INPP4B: variants seen among roughly 807,000 people sequenced by gnomAD.
INPP4B encodes inositol polyphosphate-4-phosphatase type II B.
INPP4B carries 55 observed loss-of-function variants against 122.5 expected under a neutral mutation model. The observed-to-expected ratio is 0.45, with a 90% confidence interval of 0.36 to 0.56. INPP4B has a LOEUF of 0.56. Among genes scored for constraint, INPP4B ranks in the 20% least tolerant of loss-of-function variants. The pLI, the probability that INPP4B is intolerant of heterozygous loss-of-function variation, is 0.00. For missense variants in INPP4B, 1,000 were observed against 1,097.7 expected (o/e 0.91, Z 1.26); for synonymous variants, 403 against 388.7 (o/e 1.04, Z -0.43).
chr4:142,132,694 A>G (rs1365487524), intron 18 of INPP4B, among the ~76,000 whole-genome samples: 3 of 152,162 alleles, frequency 2.0e-5, no homozygotes, highest in Non-Finnish European at 2.9e-5. Flanking sequence ...GTGTCACTCT[A>G]GCAATTCTCT....
At chr4:142,526,418 C>T (rs1220428097) in intron 2 of INPP4B, among the ~76,000 whole-genome samples, 2 of 151,840 alleles carry the variant, frequency 1.3e-5, no homozygotes, top group East Asian at 1.9e-4. Flanking sequence ...GTGGAGGTGG[C>T]GAAATGAGAG....
At chr4:142,617,768 C>A (rs1744035411) in intron 2 of INPP4B, among the ~76,000 whole-genome samples, 1 of 152,050 alleles carries the variant, frequency 6.6e-6, no homozygotes, top group African/African-American at 2.4e-5. Context: ...CAATATAAAT[C>A]CTATAGAAAA....
At chr4:142,569,074 A>T (rs958735173) in intron 2 of INPP4B, among the ~76,000 whole-genome samples, 2 of 152,128 alleles carry the variant, frequency 1.3e-5, no homozygotes, top group Admixed American at 6.6e-5. Flanking sequence ...TTTAGCCTGT[A>T]TGAATAATAA....
intron 11 of INPP4B, among the ~76,000 whole-genome samples, chr4:142,260,127 G>T (rs1322939190): frequency 6.6e-6 from 1 of 152,138 alleles, no homozygotes; most frequent in South Asian, 2.1e-4. Flanking sequence ...TGGGACTACA[G>T]GCACGGGCCA....
rs375537260 is a variant in INPP4B, at chr4:142,806,111, G to A, written c.-254+40098C>T. Among the ~76,000 whole-genome samples, 105 of 151,800 alleles carry A rather than the reference G, an allele frequency of 6.9e-4. No homozygotes were observed. The Middle Eastern group carries it at 0.017, about 25-fold the overall frequency. ...TGTCTAACACGGTGAAACCCCGTCTGTACTAAAAATACAAGAAATAAGCCG... is the reference window on the plus strand; with the variant it reads ...TGTCTAACACGGTGAAACCCCGTCTATACTAAAAATACAAGAAATAAGCCG... On this transcript the variant is annotated intron_variant, in intron 1 of 25. Transcript: ENST00000262992.
intron 1 of INPP4B, among the ~76,000 whole-genome samples, chr4:142,779,664 A>G (rs1774500035): frequency 2.6e-5 from 4 of 152,008 alleles, no homozygotes; most frequent in African/African-American, 9.7e-5. Context: ...ACCATGAGAC[A>G]CAGGTTCTTG....
intron 2 of INPP4B, among the ~76,000 whole-genome samples, chr4:142,522,586 T>C (rs1442080078): frequency 6.6e-6 from 1 of 151,906 alleles, no homozygotes; most frequent in Non-Finnish European, 1.5e-5. Context: ...GCCAAGTCTG[T>C]ATAATAAAGG....
intron 17 of INPP4B, 49 bp from the exon 18 acceptor site, chr4:142,146,045 T>C: frequency 6.4e-7 from 1 of 1,572,938 alleles, no homozygotes; most frequent in Non-Finnish European, 8.7e-7. Context: ...AAAAACAAGA[T>C]AAGGCAAAGT....
intron 7 of INPP4B, among the ~76,000 whole-genome samples, chr4:142,351,774 C>T (rs926164292): frequency 3.0e-4 from 46 of 151,930 alleles, no homozygotes; most frequent in African/African-American, 1.0e-3. Flanking sequence ...CAAGGCTCTT[C>T]AATTTCAATA....
At chr4:142,701,838 C>T (rs750549804) in intron 2 of INPP4B, among the ~76,000 whole-genome samples, 21 of 152,146 alleles carry the variant, frequency 1.4e-4, no homozygotes, top group Non-Finnish European at 2.5e-4. Context: ...AGGTGAACTA[C>T]AGAAGTTTCT....
chr4:142,355,179 A>G (rs1236580614), intron 7 of INPP4B, among the ~76,000 whole-genome samples: 1 of 152,078 alleles, frequency 6.6e-6, no homozygotes, highest in African/African-American at 2.4e-5. Flanking sequence ...TTCAGAAGCC[A>G]CATTATATCA....
At chr4:142,032,094 G>A (rs754705806) in intron 25 of INPP4B, among the ~76,000 whole-genome samples, 15 of 152,336 alleles carry the variant, frequency 9.8e-5, no homozygotes, top group Non-Finnish European at 1.8e-4. Context: ...ATTGAAGATA[G>A]AAAGGGAAAG....
chr4:142,227,343 A>G (rs1272460738), intron 12 of INPP4B, among the ~76,000 whole-genome samples: 2 of 152,154 alleles, frequency 1.3e-5, no homozygotes, highest in Non-Finnish European at 2.9e-5. Context: ...TGGGATGCCA[A>G]AAATATGAGG....
At chr4:142,648,024 A>T (rs1054947257) in intron 2 of INPP4B, among the ~76,000 whole-genome samples, 1 of 152,322 alleles carries the variant, frequency 6.6e-6, no homozygotes, top group Non-Finnish European at 1.5e-5. Context: ...CTTCCAAATG[A>T]CACAAAATCT....
At position 142,714,368 on chromosome 4, in the gene INPP4B, C is replaced by T. The variant is rs1409027741; in HGVS notation, c.-191+11471G>A. ...ACTTACTTTCTGCACTTTCCTCACACGTTGACATAAATTCAGGCACAATCA... is the reference window on the plus strand; with the variant it reads ...ACTTACTTTCTGCACTTTCCTCACATGTTGACATAAATTCAGGCACAATCA... On this transcript the variant is annotated intron_variant, in intron 2 of 25. Transcript: ENST00000262992. Among the ~76,000 whole-genome samples, 4 of 152,316 alleles carry T rather than the reference C, an allele frequency of 2.6e-5. No homozygotes were observed. In the East Asian group the frequency reaches 7.7e-4, roughly 29 times the overall value.
intron 2 of INPP4B, among the ~76,000 whole-genome samples, chr4:142,511,242 T>C (rs1824676731): frequency 6.6e-6 from 1 of 152,076 alleles, no homozygotes; most frequent in Admixed American, 6.6e-5. Flanking sequence ...AATGTACTTT[T>C]GAAAAGGAGG....
At chr4:142,337,648 C>G (rs1467598695) in intron 7 of INPP4B, among the ~76,000 whole-genome samples, 1 of 134,960 alleles carries the variant, frequency 7.4e-6, no homozygotes, top group Non-Finnish European at 1.6e-5. Context: ...TTTATCTCAT[C>G]TTAATTTGTA....
At chr4:142,100,334 A>T (rs1199583493) in intron 23 of INPP4B, among the ~76,000 whole-genome samples, 6 of 151,992 alleles carry the variant, frequency 3.9e-5, no homozygotes, top group Non-Finnish European at 7.4e-5. Context: ...TCCAGCTCCC[A>T]CTGGGAAACT....
At chr4:142,641,276 T>C (rs1185895101) in intron 2 of INPP4B, among the ~76,000 whole-genome samples, 1 of 152,102 alleles carries the variant, frequency 6.6e-6, no homozygotes, top group Non-Finnish European at 1.5e-5. Context: ...TCATTTTATA[T>C]ATATTTATTA....
Sources: gnomAD v4.1 joint callset for allele counts (sites outside exome capture counted in the v4.1 genomes callset) on GRCh38, gnomAD v4.1.1 for gene constraint, MANE v1.5 for transcripts, NCBI Gene and HGNC (gene_info 2026-07-23, HGNC 2026-07-21) for gene names.